COL5A2: variants seen among roughly 807,000 people sequenced by gnomAD.
COL5A2 encodes collagen alpha-2(V) chain.
Under a neutral mutation model 208.2 loss-of-function variants are expected in COL5A2, and 23 were observed. The ratio of observed to expected loss-of-function variants is 0.11; its 90% confidence interval spans 0.08 to 0.16. The LOEUF is 0.16. COL5A2 is among the 10% of genes least tolerant of loss of function. The pLI, the probability that COL5A2 is intolerant of heterozygous loss-of-function variation, is 1.00. For synonymous variants in COL5A2, 625 were observed against 628.5 expected, an observed-to-expected ratio of 0.99 and a Z score of 0.08; for missense variants, 1,590 against 1,956.4, an observed-to-expected ratio of 0.81 and a Z score of 3.53.
At chr2:189,047,119 T>C (rs1685686486) in intron 45 of COL5A2, among the ~76,000 whole-genome samples, 2 of 126,742 alleles carry the variant, frequency 1.6e-5, no homozygotes, top group Admixed American at 8.2e-5. Flanking sequence ...AGACTCTGTC[T>C]CAAAAAAAAA....
chr2:189,094,646 C>CACACACACACACAT (rs1248564270), intron 6 of COL5A2, among the ~76,000 whole-genome samples: 1 of 132,544 alleles, frequency 7.5e-6, no homozygotes, highest in African/African-American at 2.7e-5. Context: ...CACACACACA[C>CACACACACACACAT]ATAAATGTTA....
intron 8 of COL5A2, among the ~76,000 whole-genome samples, chr2:189,087,682 T>G (rs1249571403): frequency 6.6e-6 from 1 of 150,716 alleles, no homozygotes; most frequent in Non-Finnish European, 1.5e-5. Context: ...TTAGCCAGAA[T>G]GGTCTCAATC....
At chr2:189,065,098 T>A (rs1686119980) in intron 23 of COL5A2, 41 bp from the exon 24 acceptor site, 1 of 1,588,664 alleles carries the variant, frequency 6.3e-7, no homozygotes, top group African/African-American at 1.3e-5. Flanking sequence ...GTTGTTGATA[T>A]TTTTGCAATA....
At chr2:189,271,508 C>T in the COL5A2 span, among the ~76,000 whole-genome samples, 1 of 152,120 alleles carries the variant, frequency 6.6e-6, no homozygotes, top group Non-Finnish European at 1.5e-5. Flanking sequence ...AAAATTAACT[C>T]AAGATAGATT....
intron 32 of COL5A2, 92 bp from the exon 33 acceptor site, chr2:189,058,619 T>A (rs1685952892): frequency 8.4e-7 from 1 of 1,196,590 alleles, no homozygotes; most frequent in South Asian, 1.3e-5. Context: ...TGCGGAAAAA[T>A]TCAGAAATGA....
chr2:189,310,327 C>T, the COL5A2 span, among the ~76,000 whole-genome samples: 6 of 152,036 alleles, frequency 3.9e-5, no homozygotes, highest in Non-Finnish European at 7.4e-5. Flanking sequence ...GTGCTCAACA[C>T]CACTGATCAT....
At chr2:189,197,900 A>G (rs1037019901) in intron 1 of COL5A2, among the ~76,000 whole-genome samples, 9 of 150,170 alleles carry the variant, frequency 6.0e-5, no homozygotes, top group South Asian at 2.1e-4. Context: ...CCCAGGCTGG[A>G]GTGCAGCGGC....
At chr2:189,312,096 G>A in the COL5A2 span, 2 of 789,558 alleles carry the variant, frequency 2.5e-6, no homozygotes, top group Admixed American at 1.7e-5. Flanking sequence ...AATGATGCTG[G>A]CATTGTCCAC....
chr2:189,322,081 C>G, the COL5A2 span, among the ~76,000 whole-genome samples: 6,484 of 152,104 alleles, frequency 0.043, 222 homozygotes, highest in Non-Finnish European at 0.066. Flanking sequence ...ATGACTACTG[C>G]GTACATAACG....
Position 189,104,292 on chromosome 2 carries a change from G to A in COL5A2, c.323-15C>T, listed in dbSNP as rs766670107. The A allele has an allele frequency of 6.8e-7, 1 of 1,471,538 alleles. No homozygotes were observed. Among genetic ancestry groups the A allele is most frequent in the Non-Finnish European group, 9.5e-7 (1 of 1,052,864 alleles). The allele number at this position is 1,471,538 out of a possible 1,614,324, so 91.2% of individuals were successfully genotyped here. On this transcript the variant is annotated splice_polypyrimidine_tract_variant and intron_variant, in intron 2 of 53. Coordinates refer to ENST00000374866, the MANE Select transcript of COL5A2 (RefSeq NM_000393.5). ...TCTTCCTCTACCTGTAAAAAGAAAA[G>A]AGTAAATGTGTTATTTTATGAGGAA... is the stretch of plus-strand genomic sequence containing the variant.
chr2:189,061,097 G>A (rs572213156), intron 30 of COL5A2, among the ~76,000 whole-genome samples: 6 of 152,060 alleles, frequency 3.9e-5, no homozygotes, highest in Non-Finnish European at 8.8e-5. Context: ...ATTTTAGACT[G>A]CTAGAATATT....
At chr2:189,353,711 A>G in the COL5A2 span, among the ~76,000 whole-genome samples, 1 of 152,140 alleles carries the variant, frequency 6.6e-6, no homozygotes, top group Admixed American at 6.5e-5. Flanking sequence ...GGTTTTCTAA[A>G]TATACAATCA....
chr2:189,164,219 T>G (rs536283236), intron 1 of COL5A2, among the ~76,000 whole-genome samples: 9 of 152,290 alleles, frequency 5.9e-5, no homozygotes, highest in Non-Finnish European at 1.2e-4. Flanking sequence ...CGTTTAACTT[T>G]GAATTTGAGA....
chr2:189,271,834 C>G, the COL5A2 span, among the ~76,000 whole-genome samples: 1 of 152,120 alleles, frequency 6.6e-6, no homozygotes, highest in Non-Finnish European at 1.5e-5. Flanking sequence ...ACAACCTCAT[C>G]AAAAAGTGGG....
At chr2:189,314,656 T>C in the COL5A2 span, among the ~76,000 whole-genome samples, 1 of 152,060 alleles carries the variant, frequency 6.6e-6, no homozygotes, top group South Asian at 2.1e-4. Context: ...AGCTAGTTTT[T>C]TGAAAAATTA....
intron 6 of COL5A2, among the ~76,000 whole-genome samples, chr2:189,094,531 C>CCGGGAACTG (rs1686858920): frequency 7.4e-6 from 1 of 134,818 alleles, no homozygotes; most frequent in Admixed American, 7.9e-5. Flanking sequence ...AGACGAATGA[C>CCGGGAACTG]CGGGAACTGT....
At chr2:189,395,983 G>A in the COL5A2 span, among the ~76,000 whole-genome samples, 6 of 150,506 alleles carry the variant, frequency 4.0e-5, no homozygotes, top group African/African-American at 1.5e-4. Flanking sequence ...ACAGTTTTGT[G>A]GGTAATTGTC....
chr2:189,153,038 T>C (rs561104992), intron 1 of COL5A2, among the ~76,000 whole-genome samples: 10 of 152,326 alleles, frequency 6.6e-5, no homozygotes, highest in Non-Finnish European at 1.3e-4. Flanking sequence ...TTTTCTCATC[T>C]TTTAGAAAAC....
chr2:189,268,104 T>A, the COL5A2 span, among the ~76,000 whole-genome samples: 1 of 152,060 alleles, frequency 6.6e-6, no homozygotes, highest in Non-Finnish European at 1.5e-5. Flanking sequence ...TCAGATAGAG[T>A]TCTGGTTTTA....
Sources: gnomAD v4.1 joint callset for allele counts (sites outside exome capture counted in the v4.1 genomes callset) on GRCh38, gnomAD v4.1.1 for gene constraint, MANE v1.5 for transcripts, NCBI Gene and HGNC (gene_info 2026-07-23, HGNC 2026-07-21) for gene names.